DERA: variants seen among roughly 807,000 people sequenced by gnomAD.
DERA encodes the protein deoxyribose-phosphate aldolase.
DERA carries 15 observed loss-of-function variants against 41.1 expected under a neutral mutation model. The observed-to-expected ratio is 0.37, with a 90% CI of 0.24 to 0.56. The LOEUF is 0.56. Ranked by LOEUF, DERA falls within the 20% of genes least tolerant of loss-of-function variation. The pLI is 0.81. For missense variants in DERA, 396 were observed against 403.4 expected, an observed-to-expected ratio of 0.98 and a Z score of 0.16; for synonymous variants, 139 against 137.4, an observed-to-expected ratio of 1.01 and a Z score of -0.08.
intron 7 of DERA, chr12:16,033,086 C>T: frequency 6.0e-6 from 1 of 167,262 alleles, no homozygotes; most frequent in Non-Finnish European, 1.3e-5. Context: ...GAATGATAAG[C>T]TGTGGTGGTG....
chr12:16,015,899 T>G lies in DERA; in HGVS notation c.638-16643T>G, dbSNP rs114798983. 2.4e-3 allele frequency among the ~76,000 whole-genome samples: 361 copies of G among 152,358 alleles called. 2 individuals carry two copies. The highest frequency in any genetic ancestry group is 8.4e-3 in the African/African-American group (349 of 41,578). ...TTACTAGGCAATTTTTTTTCCTCCT[T>G]TCTCCCTCATGAACTCACTTGCTGT... On this transcript the variant is annotated intron_variant, in intron 6 of 8. Coordinates refer to ENST00000428559, the MANE Select transcript of DERA (RefSeq NM_015954.4).
Position 15,911,802 on chromosome 12 carries a change from G to A in DERA, c.31+388G>A, listed in dbSNP as rs1948166156. The A allele has an allele frequency of 2.0e-6, 1 of 495,364 alleles. No individual in the cohort carries two copies. Among genetic ancestry groups the A allele is most frequent in the Admixed American group, 2.3e-5 (1 of 43,364 alleles). The allele number at this position is 495,364 out of a possible 1,614,324, so 30.7% of individuals were successfully genotyped here. A position where few individuals can be genotyped will look rare whatever the true frequency, so the allele number is the denominator to read the frequency against. The stretch of plus-strand genomic sequence containing the variant: ...TTCTCCTCCTTTTAATAGAATACTT[G>A]TGTAATTTAATGCAGTATTTCCGTA... On this transcript the variant is annotated intron_variant, in intron 1 of 8. Transcript: ENST00000428559. The surrounding 1 kb of genome is among the most constrained non-coding windows in gnomAD (Gnocchi z 4.5).
At position 15,954,034 on chromosome 12, in the gene DERA, T is replaced by C. The variant is rs78675023; in HGVS notation, c.32-2902T>C. 6.4e-3 allele frequency among the ~76,000 whole-genome samples: 974 copies of C among 152,316 alleles called. 10 individuals are homozygous for C. The highest frequency in any genetic ancestry group is 0.023 in the African/African-American group (937 of 41,580). On this transcript the variant is annotated intron_variant, in intron 1 of 8. Transcript: ENST00000428559. The surrounding 1 kb of genome is among the most constrained non-coding windows in gnomAD (Gnocchi z 4.0). ...AAATCCTATTACATTCTCCAGTAGATGGTTTGCAGGGACCTCTGGCAAGAG... is the reference window on the plus strand; with the variant it reads ...AAATCCTATTACATTCTCCAGTAGACGGTTTGCAGGGACCTCTGGCAAGAG...
chr12:15,976,400 G>T lies in DERA; in HGVS notation c.509-5908G>T, dbSNP rs566449295. ...TCACTTTCCCCAGAGCTGACTGCAC[G>T]TCCCCCTCACCTCGCCTCCATCATG... On this transcript the variant is annotated intron_variant, in intron 5 of 8. Coordinates refer to ENST00000428559, the MANE Select transcript of DERA (RefSeq NM_015954.4). The surrounding 1 kb of genome is among the most constrained non-coding windows in gnomAD (Gnocchi z 4.1). Among the ~76,000 whole-genome samples, 2 of 152,074 alleles carry T rather than the reference G, an allele frequency of 1.3e-5. No individual in the cohort carries two copies. Among genetic ancestry groups the T allele is most frequent in the African/African-American group, 4.8e-5 (2 of 41,396 alleles).
chr12:15,935,578 G>C lies in DERA; in HGVS notation c.32-21358G>C, dbSNP rs958557067. Reference sequence around the variant, plus strand: ...TTTTCACATATCTGTACCAGTTTCAGTGTAATTTGATTTATTTATTTTTAT... The same window carrying C: ...TTTTCACATATCTGTACCAGTTTCACTGTAATTTGATTTATTTATTTTTAT... On this transcript the variant is annotated intron_variant, in intron 1 of 8. Coordinates refer to ENST00000428559, the MANE Select transcript of DERA (RefSeq NM_015954.4). The surrounding 1 kb of genome is among the most constrained non-coding windows in gnomAD (Gnocchi z 4.8). Among the ~76,000 whole-genome samples the C allele has an allele frequency of 1.3e-5, 2 of 152,148 alleles. No homozygotes were observed. Among genetic ancestry groups the C allele is most frequent in the African/African-American group, 4.8e-5 (2 of 41,434 alleles).
Position 15,959,934 on chromosome 12 carries a change from G to T in DERA, c.373+10G>T. 1 of 1,529,184 alleles carries T rather than the reference G, an allele frequency of 6.5e-7. No individual in the cohort carries two copies. Among genetic ancestry groups the T allele is most frequent in the African/African-American group, 1.4e-5 (1 of 72,898 alleles). 94.7% of individuals were successfully genotyped at this position (1,529,184 alleles called of 1,614,324 possible). On this transcript the variant is annotated intron_variant, in intron 4 of 8. Coordinates refer to ENST00000428559, the MANE Select transcript of DERA (RefSeq NM_015954.4). This position sits in a 1 kb window ranked among gnomAD's most constrained non-coding sequence, Gnocchi z 4.5. ...ATCCCTGTGGCATCAGGTAAAATGT[G>T]TTGTGGCTTTTGTTGTTATTTTTTA... is the stretch of plus-strand genomic sequence containing the variant.
At chr12:15,930,608 A>G (rs1401260329) in intron 1 of DERA, among the ~76,000 whole-genome samples, 1 of 152,208 alleles carries the variant, frequency 6.6e-6, no homozygotes, top group Non-Finnish European at 1.5e-5. Context: ...TTGCCAAAAT[A>G]GACATTGGTT....
rs2136173265 is a variant in DERA at position 16,001,467 on chromosome 12, C to G, written c.637+19031C>G. Among the ~76,000 whole-genome samples the G allele has an allele frequency of 6.6e-6, 1 of 152,264 alleles. No homozygotes were observed. Among genetic ancestry groups the G allele is most frequent in the African/African-American group, 2.4e-5 (1 of 41,566 alleles). ...GACTCAGAGAAAAGAACAACTCACACAGAGACCAGAAAGAGATTCGTGCTC... is the reference window on the plus strand; with the variant it reads ...GACTCAGAGAAAAGAACAACTCACAGAGAGACCAGAAAGAGATTCGTGCTC... On this transcript the variant is annotated intron_variant, in intron 6 of 8. Transcript: ENST00000428559. This position sits in a 1 kb window ranked among gnomAD's most constrained non-coding sequence, Gnocchi z 4.1.
In DERA at chr12:15,999,569, T is replaced by G. The variant is rs955770318; in HGVS notation, c.637+17133T>G. ...TTGGGCTGAGAGTCACTGGCTCTCA[T>G]AGAGAGATGTGAAAGAACATGTCAT... On this transcript the variant is annotated intron_variant, in intron 6 of 8. Coordinates refer to ENST00000428559, the MANE Select transcript of DERA (RefSeq NM_015954.4). This position sits in a 1 kb window ranked among gnomAD's most constrained non-coding sequence, Gnocchi z 5.3. 1.3e-5 allele frequency among the ~76,000 whole-genome samples: 2 copies of G among 152,056 alleles called. No homozygotes were observed. Among genetic ancestry groups the G allele is most frequent in the African/African-American group, 4.8e-5 (2 of 41,390 alleles).
rs1948815078 is a variant in DERA at position 15,993,432 on chromosome 12, A to G, written c.637+10996A>G. On this transcript the variant is annotated intron_variant, in intron 6 of 8. Transcript: ENST00000428559. The surrounding 1 kb of genome is among the most constrained non-coding windows in gnomAD (Gnocchi z 4.4). ...TAGGCTGCAAGTCTTTGTATACTCA[A>G]GGAGTATTGATCCAGATGGCACATC... is the stretch of plus-strand genomic sequence containing the variant. Among the ~76,000 whole-genome samples the G allele has an allele frequency of 6.6e-6, 1 of 151,772 alleles. No individual in the cohort carries two copies. Among genetic ancestry groups the G allele is most frequent in the South Asian group, 2.1e-4 (1 of 4,822 alleles).
chr12:16,031,899 T>C (rs570289928), intron 6 of DERA, among the ~76,000 whole-genome samples: 25 of 152,350 alleles, frequency 1.6e-4, no homozygotes, highest in Admixed American at 1.6e-3. Context: ...GAATCTTAAC[T>C]ACTGTGATCA....
In DERA at chr12:15,931,804, G is replaced by A. The variant is rs1948330199; in HGVS notation, c.31+20390G>A. Among the ~76,000 whole-genome samples, 1 of 152,158 alleles carries A rather than the reference G, an allele frequency of 6.6e-6. No individual in the cohort carries two copies. Among genetic ancestry groups the A allele is most frequent in the Admixed American group, 6.5e-5 (1 of 15,274 alleles). On this transcript the variant is annotated intron_variant, in intron 1 of 8. Transcript: ENST00000428559. This position sits in a 1 kb window ranked among gnomAD's most constrained non-coding sequence, Gnocchi z 4.6. Reference sequence around the variant, plus strand: ...GTGAGTTCTTGCTCTCTTGGGAATAGATTAATTCTCATGAGAGTGGGTTGT... The same window carrying A: ...GTGAGTTCTTGCTCTCTTGGGAATAAATTAATTCTCATGAGAGTGGGTTGT...
At chr12:15,946,834 A>G in intron 1 of DERA, among the ~76,000 whole-genome samples, 1 of 152,102 alleles carries the variant, frequency 6.6e-6, no homozygotes, top group South Asian at 2.1e-4. Context: ...TCAATTTTAG[A>G]TCTTTCCTGC....
At chr12:16,025,182 TA>T (rs1433358893) in intron 6 of DERA, among the ~76,000 whole-genome samples, 2 of 152,116 alleles carry the variant, frequency 1.3e-5, no homozygotes, top group Non-Finnish European at 2.9e-5. Context: ...AATGGAAAAG[TA>T]ATAAACATGG....
intron 1 of DERA, among the ~76,000 whole-genome samples, chr12:15,947,847 C>T (rs974560783): frequency 4.6e-5 from 7 of 152,106 alleles, no homozygotes; most frequent in Admixed American, 1.3e-4. Flanking sequence ...TGGCTGGTAC[C>T]GGTTGTTCCT....
intron 5 of DERA, among the ~76,000 whole-genome samples, chr12:15,979,357 G>A (rs1007999081): frequency 6.6e-6 from 1 of 152,188 alleles, no homozygotes; most frequent in African/African-American, 2.4e-5. Flanking sequence ...TGGCCCCTGG[G>A]ACACTGGACT....
At chr12:15,958,062 A>G in intron 2 of DERA, 126 bp from the exon 3 acceptor site, 2 of 645,920 alleles carry the variant, frequency 3.1e-6, no homozygotes, top group South Asian at 5.7e-5. Context: ...ATTCCATTGA[A>G]CAGTGTAGGC....
At chr12:15,963,257 A>T (rs115038249) in intron 5 of DERA, among the ~76,000 whole-genome samples, 2,723 of 152,330 alleles carry the variant, frequency 0.018, 89 homozygotes, top group African/African-American at 0.063. Flanking sequence ...AGAAGGGAAA[A>T]GTTACTACTA....
rs1396552388 is a variant in DERA, at chr12:16,026,096, TAA to T, written c.638-6444_638-6443del. 4.6e-5 allele frequency among the ~76,000 whole-genome samples: 7 copies of T among 152,048 alleles called. No homozygotes were observed. In the East Asian group the frequency reaches 1.3e-3, roughly 29 times the overall value. The stretch of plus-strand genomic sequence containing the variant: ...ATTAGATGCATATATTAGAAAAGAA[TAA>T]AGTCAATATGCAAGCTTTCATCTTA... On this transcript the variant is annotated intron_variant, in intron 6 of 8. Coordinates refer to ENST00000428559, the MANE Select transcript of DERA (RefSeq NM_015954.4). This position sits in a 1 kb window ranked among gnomAD's most constrained non-coding sequence, Gnocchi z 4.4.
Sources: gnomAD v4.1 joint callset for allele counts (sites outside exome capture counted in the v4.1 genomes callset) on GRCh38, gnomAD v4.1.1 for gene constraint, Gnocchi (gnomAD v3.1) non-coding constraint, MANE v1.5 for transcripts, NCBI Gene and HGNC (gene_info 2026-07-23, HGNC 2026-07-21) for gene names.